DUSP5: variants seen among roughly 807,000 people sequenced by gnomAD.
DUSP5 encodes the protein dual specificity protein phosphatase 5.
A neutral mutation model predicts 33.6 loss-of-function variants in DUSP5; 22 were observed. That is an observed-to-expected ratio of 0.66 (90% CI 0.47 to 0.94). The LOEUF is 0.94. DUSP5 is among the 40% of genes least tolerant of loss of function. The pLI, the probability that DUSP5 is intolerant of heterozygous loss-of-function variation, is 0.00. For missense variants in DUSP5, 551 were observed against 522.1 expected (o/e 1.06, Z -0.54); for synonymous variants, 270 against 231.1 (o/e 1.17, Z -1.53).
intron 2 of DUSP5, among the ~76,000 whole-genome samples, chr10:110,506,216 G>T (rs1291625552): frequency 2.0e-5 from 3 of 152,092 alleles, no homozygotes; most frequent in African/African-American, 7.3e-5. Context: ...GATCGCTTGA[G>T]GCCAGGAGTT....
intron 3 of DUSP5, among the ~76,000 whole-genome samples, chr10:110,507,729 G>A (rs1860136088): frequency 6.6e-6 from 1 of 152,248 alleles, no homozygotes; most frequent in South Asian, 2.1e-4. Flanking sequence ...CTGCATTCTT[G>A]TTACGCAGTT....
At chr10:110,507,507 G>T (rs903508197) in intron 3 of DUSP5, among the ~76,000 whole-genome samples, 2 of 152,202 alleles carry the variant, frequency 1.3e-5, no homozygotes, top group African/African-American at 2.4e-5. Flanking sequence ...GTGCTTCTAC[G>T]TAGGTTGGGT....
chr10:110,501,393 T>C (rs1860046188), intron 1 of DUSP5, among the ~76,000 whole-genome samples: 1 of 151,912 alleles, frequency 6.6e-6, no homozygotes, highest in African/African-American at 2.4e-5. Context: ...GAGATCTGGG[T>C]GTACTAAGTG....
intron 2 of DUSP5, among the ~76,000 whole-genome samples, chr10:110,506,558 G>T (rs1158414955): frequency 6.6e-6 from 1 of 152,234 alleles, no homozygotes; most frequent in Non-Finnish European, 1.5e-5. Flanking sequence ...ATAGGAGATT[G>T]CCCTGGTACT....
At chr10:110,505,086 G>T (rs1860101132) in intron 2 of DUSP5, among the ~76,000 whole-genome samples, 1 of 152,184 alleles carries the variant, frequency 6.6e-6, no homozygotes, top group Non-Finnish European at 1.5e-5. Flanking sequence ...TGATGCAGAT[G>T]GACATTTTAT....
In DUSP5 at chr10:110,511,414, A is replaced by G. The variant is rs1234109575; in HGVS notation, c.*988A>G. On this transcript the variant is annotated 3_prime_UTR_variant, in exon 4 of 4. Transcript: ENST00000369583. ...TTTTTTTTCTTTTTGTCTGTTAGTT[A>G]TTTCTCCAGGGGAAAAGGCAATAAT... The G allele has an allele frequency of 6.6e-6, 1 of 152,268 alleles. No individual in the cohort carries two copies. The highest frequency in any genetic ancestry group is 2.4e-5 in the African/African-American group (1 of 41,318). The allele number at this position is 152,268 out of a possible 1,614,324, so 9.4% of individuals were successfully genotyped here.
rs1859978118 is a variant in DUSP5 at position 110,498,054 on chromosome 10, T to C, written c.-68T>C. ...GCCTCGCCCGCGGACACCCTGGCCG[T>C]GGACACCCTGGCCGTGGGCACCCGC... On this transcript the variant is annotated 5_prime_UTR_variant, in exon 1 of 4. Transcript: ENST00000369583. 2.7e-6 allele frequency: 3 copies of C among 1,091,130 alleles called. No homozygotes were observed. The highest frequency in any genetic ancestry group is 3.3e-6 in the Non-Finnish European group (3 of 903,444). 67.6% of individuals were successfully genotyped at this position (1,091,130 alleles called of 1,614,324 possible).
chr10:110,507,841 T>G (rs183110352), intron 3 of DUSP5, among the ~76,000 whole-genome samples: 16 of 152,366 alleles, frequency 1.1e-4, no homozygotes, highest in Admixed American at 1.0e-3. Context: ...CTGTGTTGCC[T>G]GGATTGTTCT....
intron 2 of DUSP5, among the ~76,000 whole-genome samples, chr10:110,505,549 T>C (rs941278872): frequency 6.6e-6 from 1 of 152,342 alleles, no homozygotes; most frequent in Non-Finnish European, 1.5e-5. Flanking sequence ...AAATTGAGAA[T>C]TGCCTGTGGC....
intron 2 of DUSP5, among the ~76,000 whole-genome samples, chr10:110,503,722 A>G (rs1346996969): frequency 6.6e-6 from 1 of 152,244 alleles, no homozygotes; most frequent in Non-Finnish European, 1.5e-5. Flanking sequence ...GGTTCAAGGC[A>G]GCATCAGGCT....
Position 110,498,325 on chromosome 10 carries a change from C to A in DUSP5, c.204C>A (p.Asp68Glu), listed in dbSNP as rs1383926558. ...TGTCGGCGCGCTACGTGCTGCCCGACGAGGCGGCGCGCGCGCGGCTCCTGC... is the reference window on the plus strand; with the variant it reads ...TGTCGGCGCGCTACGTGCTGCCCGAAGAGGCGGCGCGCGCGCGGCTCCTGC... ...GAVSARYVLP[D>E]EAARARLLQE... The change falls in exon 1 of 4, where the codon GAC becomes GAA. Residue 68 changes from aspartate to glutamate, a missense_variant. Physicochemically the swap from Asp to Glu is conservative, Grantham distance 45. Coordinates refer to ENST00000369583, the MANE Select transcript of DUSP5 (RefSeq NM_004419.4). 9.6e-6 allele frequency: 13 copies of A among 1,349,410 alleles called. No individual in the cohort carries two copies. The highest frequency in any genetic ancestry group is 1.5e-5 in the African/African-American group (1 of 65,868). The allele number at this position is 1,349,410 out of a possible 1,614,324, so 83.6% of individuals were successfully genotyped here.
In DUSP5 at chr10:110,498,371, G is replaced by A; in HGVS notation, c.250G>A (p.Ala84Thr). 7.1e-7 allele frequency: 1 copy of A among 1,413,076 alleles called. No individual in the cohort carries two copies. Among genetic ancestry groups the A allele is most frequent in the Middle Eastern group, 1.9e-4 (1 of 5,348 alleles). 87.5% of individuals were successfully genotyped at this position (1,413,076 alleles called of 1,614,324 possible). The part of the protein sequence containing the change: ...RLLQEGGGGV[A>T]AVVVLDQGSR... The stretch of plus-strand genomic sequence containing the variant: ...CCTGCAGGAGGGCGGCGGCGGCGTC[G>A]CGGCCGTGGTGGTGCTGGACCAGGG... Residue 84 changes from alanine to threonine, a missense_variant, in exon 1 of 4, where the codon GCG (alanine) becomes ACG (threonine). This residue lies in a region of DUSP5 where 381 missense variants were observed against 310.4 expected (regional missense o/e 1.23). Transcript: ENST00000369583.
At chr10:110,505,169 G>T (rs1016319658) in intron 2 of DUSP5, among the ~76,000 whole-genome samples, 15 of 152,316 alleles carry the variant, frequency 9.8e-5, no homozygotes, top group African/African-American at 3.6e-4. Context: ...TTCTCATATT[G>T]ATCACTATTG....
At chr10:110,507,205 G>A (rs771203448) in intron 3 of DUSP5, 51 bp downstream of exon 3, 44 of 1,568,516 alleles carry the variant, frequency 2.8e-5, no homozygotes, top group Non-Finnish European at 3.6e-5. Flanking sequence ...TTTGGGGCAT[G>A]TGTTCTTGAC....
In DUSP5 at chr10:110,497,927, G is replaced by A. The variant is rs1202896458; in HGVS notation, c.-195G>A. 7.5e-6 allele frequency: 2 copies of A among 265,302 alleles called. No individual in the cohort carries two copies. Among genetic ancestry groups the A allele is most frequent in the Non-Finnish European group, 1.2e-5 (2 of 172,026 alleles). 16.4% of individuals were successfully genotyped at this position (265,302 alleles called of 1,614,324 possible). A position where few individuals can be genotyped will look rare whatever the true frequency, so the allele number is the denominator to read the frequency against. ...TCCCCGGCTTCTAGGGCGGCGAGCG[G>A]CCGGGCTGGCTATCGAGCGAGCGGG... On this transcript the variant is annotated 5_prime_UTR_variant, in exon 1 of 4. Transcript: ENST00000369583.
intron 2 of DUSP5, 26 bp downstream of exon 2, chr10:110,502,895 AT>A: frequency 6.2e-7 from 1 of 1,613,772 alleles, no homozygotes. Context: ...GGGAAGAGGT[AT>A]CCTGAGTGGT....
rs1860071846 is a variant in DUSP5, at chr10:110,502,836, G to C, written c.495G>C (p.Val165=). The change falls in exon 2 of 4, where the codon GTG becomes GTC. Residue 165 remains valine, a synonymous_variant. Transcript: ENST00000369583. Reference sequence around the variant, plus strand: ...TCATCAGCCAGTGTGGAAAACCAGTGGTAAATGTCAGCTACAGGCCAGCTT... The same window carrying C: ...TCATCAGCCAGTGTGGAAAACCAGTCGTAAATGTCAGCTACAGGCCAGCTT... The part of the protein sequence containing the change: ...RALISQCGKP[V]VNVSYRPAYD... 6.2e-7 allele frequency: 1 copy of C among 1,614,036 alleles called. No homozygotes were observed. The highest frequency in any genetic ancestry group is 1.7e-5 in the Admixed American group (1 of 59,988).
At chr10:110,505,716 CCT>C (rs1428932507) in intron 2 of DUSP5, among the ~76,000 whole-genome samples, 1 of 152,162 alleles carries the variant, frequency 6.6e-6, no homozygotes, top group Non-Finnish European at 1.5e-5. Flanking sequence ...CCCTTGTTTC[CCT>C]CTCAGTCTCT....
intron 2 of DUSP5, among the ~76,000 whole-genome samples, chr10:110,506,441 G>GAA (rs370031379): frequency 6.7e-6 from 1 of 148,558 alleles, no homozygotes; most frequent in African/African-American, 2.5e-5. Context: ...TTCCAAAAAG[G>GAA]AAAAAAAAAA....
Sources: gnomAD v4.1 joint callset for allele counts (sites outside exome capture counted in the v4.1 genomes callset) on GRCh38, gnomAD v4.1.1 for gene constraint, gnomAD v4.1.1 regional missense constraint, MANE v1.5 for transcripts, NCBI Gene and HGNC (gene_info 2026-07-23, HGNC 2026-07-21) for gene names.